Variants in BRF1 observed in about 807,000 individuals in gnomAD.
BRF1 encodes BRF1 general transcription factor IIIB subunit.
A neutral mutation model predicts 81.7 loss-of-function variants in BRF1; 59 were observed. The observed-to-expected ratio is 0.72, with a 90% CI of 0.59 to 0.90. The LOEUF (loss-of-function observed/expected upper bound fraction) is 0.90, where lower values mean the gene tolerates loss of function less well. Ranked by LOEUF, BRF1 falls within the 40% of genes least tolerant of loss-of-function variation. The pLI is 0.00. For synonymous variants in BRF1, 491 were observed against 395.6 expected, an observed-to-expected ratio of 1.24 and a Z score of -2.86; for missense variants, 1,050 against 936.3, an observed-to-expected ratio of 1.12 and a Z score of -1.58.
At chr14:105,240,991 G>T (rs758568432) in intron 6 of BRF1, among the ~76,000 whole-genome samples, 10 of 152,220 alleles carry the variant, frequency 6.6e-5, no homozygotes, top group Non-Finnish European at 1.5e-4. Flanking sequence ...TGCCCATGCA[G>T]CCGCACCCCA....
intron 4 of BRF1, among the ~76,000 whole-genome samples, chr14:105,255,179 T>C (rs897209713): frequency 3.3e-5 from 5 of 152,230 alleles, no homozygotes; most frequent in African/African-American, 1.2e-4. Flanking sequence ...CCGGAGCAGC[T>C]GCCCTGGCCC....
chr14:105,265,077 T>G (rs8022189), intron 3 of BRF1, among the ~76,000 whole-genome samples: 6,763 of 149,052 alleles, frequency 0.045, 365 homozygotes, highest in Non-Finnish European at 0.071. Context: ...TTGTTTGTTT[T>G]TTTAGAGACA....
chr14:105,253,864 T>C (rs2055738284), intron 4 of BRF1, among the ~76,000 whole-genome samples: 1 of 152,204 alleles, frequency 6.6e-6, no homozygotes, highest in African/African-American at 2.4e-5. Context: ...TGGGGTCTGC[T>C]CACCAAACTG....
intron 15 of BRF1, among the ~76,000 whole-genome samples, chr14:105,213,682 G>T (rs1232959660): frequency 6.6e-6 from 1 of 152,134 alleles, no homozygotes; most frequent in Non-Finnish European, 1.5e-5. Context: ...ACAAGGTCCT[G>T]CTGCACTGAC....
At chr14:105,253,454 C>T (rs1420296964) in intron 4 of BRF1, among the ~76,000 whole-genome samples, 1 of 152,250 alleles carries the variant, frequency 6.6e-6, no homozygotes, top group African/African-American at 2.4e-5. Context: ...CACTAGCCTC[C>T]CCCAAAGAAT....
intron 11 of BRF1, 27 bp downstream of exon 11, chr14:105,221,621 G>A (rs1464684811): frequency 8.8e-6 from 14 of 1,592,750 alleles, no homozygotes; most frequent in African/African-American, 4.1e-5. Flanking sequence ...TGACCTCAGC[G>A]TCCCCCAGGG....
In BRF1 at chr14:105,300,698, C is replaced by T; in HGVS notation, c.-69G>A. On this transcript the variant is annotated 5_prime_UTR_variant, in exon 1 of 18. Transcript: ENST00000547530. ...CAAGCCACCCGAGCCTCCGGAGCAG[C>T]CCGCGCCGCCCGCCCAGGCCCAGCC... is the stretch of plus-strand genomic sequence containing the variant. 1 of 1,177,380 alleles carries T rather than the reference C, an allele frequency of 8.5e-7. No homozygotes were observed. The highest frequency in any genetic ancestry group is 1.1e-6 in the Non-Finnish European group (1 of 938,918). The allele number at this position is 1,177,380 out of a possible 1,614,324, so 72.9% of individuals were successfully genotyped here. A position where few individuals can be genotyped will look rare whatever the true frequency, so the allele number is the denominator to read the frequency against.
In BRF1 at chr14:105,300,635, C is replaced by T; in HGVS notation, c.-6G>A. On this transcript the variant is annotated 5_prime_UTR_variant, in exon 1 of 18. Transcript: ENST00000547530. ...CGGCACACGCGGCCCGTCATGCCGG[C>T]GACCGCGCGGGCAGCGCCCGGAGCC... 2.9e-6 allele frequency: 4 copies of T among 1,361,088 alleles called. No individual in the cohort carries two copies. The highest frequency in any genetic ancestry group is 3.7e-6 in the Non-Finnish European group (4 of 1,067,652). 84.3% of individuals were successfully genotyped at this position (1,361,088 alleles called of 1,614,324 possible).
At chr14:105,241,822 A>G (rs2054681306) in intron 5 of BRF1, 2 of 228,340 alleles carry the variant, frequency 8.8e-6, no homozygotes, top group African/African-American at 4.4e-5. Context: ...GCCGGCCGGC[A>G]TCAGCTGACA....
In BRF1 at chr14:105,264,593, G is replaced by C. The variant is rs2056312517; in HGVS notation, c.440-8044C>G. Among the ~76,000 whole-genome samples the C allele has an allele frequency of 2.7e-5, 4 of 150,684 alleles. No individual in the cohort carries two copies. In the South Asian group the frequency reaches 8.4e-4, roughly 32 times the overall value. Reference sequence around the variant, plus strand: ...GAGGCAGGAGAATGGCATGAACCCGGGAGGCAGAGCATGCAGTGAGCCGAG... The same window carrying C: ...GAGGCAGGAGAATGGCATGAACCCGCGAGGCAGAGCATGCAGTGAGCCGAG... On this transcript the variant is annotated intron_variant, in intron 3 of 17. Transcript: ENST00000547530.
intron 2 of BRF1, among the ~76,000 whole-genome samples, chr14:105,282,065 A>G (rs185487255): frequency 4.7e-4 from 71 of 152,314 alleles, no homozygotes; most frequent in Non-Finnish European, 8.8e-4. Context: ...TCATCCCAAA[A>G]GGCCTGAGAT....
intron 3 of BRF1, 83 bp downstream of exon 3, chr14:105,272,638 C>T (rs1047564851): frequency 1.4e-6 from 2 of 1,465,930 alleles, no homozygotes; most frequent in East Asian, 4.7e-5. Context: ...CAAGTTACTG[C>T]AACTACCAAG....
intron 1 of BRF1, among the ~76,000 whole-genome samples, chr14:105,296,080 C>CA (rs58030113): frequency 0.067 from 3,750 of 56,254 alleles, 381 homozygotes; most frequent in African/African-American, 0.22. Context: ...CACTCTATCT[C>CA]AAAAAAAAAA....
At chr14:105,303,310 C>G (rs2058090536), upstream of BRF1, among the ~76,000 whole-genome samples, 1 of 152,186 alleles carries the variant, frequency 6.6e-6, no homozygotes, top group East Asian at 1.9e-4. Context: ...GTGGTGCGAT[C>G]TTGGCTCACT....
At chr14:105,246,118 G>A (rs1433415914) in intron 5 of BRF1, among the ~76,000 whole-genome samples, 1 of 152,108 alleles carries the variant, frequency 6.6e-6, no homozygotes, top group Non-Finnish European at 1.5e-5. Flanking sequence ...CCAGCTCTTT[G>A]GGAGGCTGAG....
At chr14:105,218,457 C>G (rs1891691848) in intron 14 of BRF1, among the ~76,000 whole-genome samples, 1 of 152,188 alleles carries the variant, frequency 6.6e-6, no homozygotes, top group South Asian at 2.1e-4. Flanking sequence ...ATCTGCCATC[C>G]CAGCCACCTC....
At position 105,221,890 on chromosome 14, in the gene BRF1, C is replaced by A; in HGVS notation, c.1073G>T (p.Ser358Ile). Residue 358 changes from serine (S) to isoleucine (I), a missense_variant, in exon 11 of 18, where the codon AGC becomes ATC. Ser to Ile is a moderately radical substitution (Grantham distance 142). Around this residue, in one of 2 missense-constraint regions of BRF1, gnomAD observed 1,043 missense variants for 915.4 expected, o/e 1.14. Transcript: ENST00000547530. ...KDGSTEDTAS[S>I]LCGEEDTEDE... Reference sequence around the variant, plus strand: ...CTCTGTGTCCTCCTCGCCACACAAGCTGGACGCGGTGTCCTCGGTGGAGCC... The same window carrying A: ...CTCTGTGTCCTCCTCGCCACACAAGATGGACGCGGTGTCCTCGGTGGAGCC... 6.3e-7 allele frequency: 1 copy of A among 1,598,508 alleles called. No individual in the cohort carries two copies. Among genetic ancestry groups the A allele is most frequent in the Non-Finnish European group, 8.5e-7 (1 of 1,172,890 alleles).
chr14:105,229,612 G>A (rs879827254), intron 6 of BRF1, among the ~76,000 whole-genome samples: 3 of 152,228 alleles, frequency 2.0e-5, no homozygotes, highest in Admixed American at 2.0e-4. Flanking sequence ...GGGTCACAGA[G>A]GTCCAACTAG....
At chr14:105,282,930 C>T (rs2057167885) in intron 2 of BRF1, among the ~76,000 whole-genome samples, 3 of 151,338 alleles carry the variant, frequency 2.0e-5, no homozygotes, top group South Asian at 4.1e-4. Context: ...GAGACTCCAT[C>T]TCAAAAAACA....
Sources: gnomAD v4.1 joint callset for allele counts (sites outside exome capture counted in the v4.1 genomes callset) on GRCh38, gnomAD v4.1.1 for gene constraint, gnomAD v4.1.1 regional missense constraint, MANE v1.5 for transcripts, NCBI Gene and HGNC (gene_info 2026-07-23, HGNC 2026-07-21) for gene names.